The following SRPK1 variants were observed in gnomAD, a reference collection of about 807,000 sequenced individuals.
SRPK1 encodes SFRS protein kinase 1.
SRPK1 carries 52 observed loss-of-function variants against 89.5 expected under a neutral mutation model. The ratio of observed to expected loss-of-function variants is 0.58; its 90% CI spans 0.46 to 0.73. The LOEUF is 0.73. Among genes scored for constraint, SRPK1 ranks in the 30% least tolerant of loss-of-function variants. The probability of loss-of-function intolerance (pLI) is 0.00; values close to 1 mark genes in which losing one functional copy is unlikely to be tolerated. For missense variants in SRPK1, 603 were observed against 780.6 expected, an observed-to-expected ratio of 0.77 and a Z score of 2.71; for synonymous variants, 255 against 270.2, an observed-to-expected ratio of 0.94 and a Z score of 0.55.
intron 7 of SRPK1, among the ~76,000 whole-genome samples, chr6:35,873,459 AG>A (rs1770078971): frequency 1.3e-5 from 2 of 152,182 alleles, no homozygotes; most frequent in Admixed American, 6.5e-5. Context: ...TAAATTCTAA[AG>A]GTTGAATGAA....
At chr6:35,881,721 T>C (rs1770296134) in intron 6 of SRPK1, among the ~76,000 whole-genome samples, 1 of 151,388 alleles carries the variant, frequency 6.6e-6, no homozygotes, top group Admixed American at 6.6e-5. Context: ...ATTATAGACA[T>C]TTACATACTT....
chr6:35,903,712 G>A (rs747266920), intron 2 of SRPK1, among the ~76,000 whole-genome samples: 5 of 152,140 alleles, frequency 3.3e-5, no homozygotes, highest in Non-Finnish European at 5.9e-5. Context: ...CAATTGTTAC[G>A]TGGTAGTTAA....
chr6:35,872,899 T>G (rs1318492811), intron 7 of SRPK1, among the ~76,000 whole-genome samples, 171 bp from the exon 8 acceptor site: 1 of 151,912 alleles, frequency 6.6e-6, no homozygotes, highest in Non-Finnish European at 1.5e-5. Flanking sequence ...AAGATTAAAC[T>G]ATGAAAAAGG....
chr6:35,886,669 T>C, intron 6 of SRPK1, 55 bp downstream of exon 6: 1 of 1,086,936 alleles, frequency 9.2e-7, no homozygotes, highest in Non-Finnish European at 1.4e-6. Flanking sequence ...ACAAATCTAG[T>C]TCCTTTCTTT....
At chr6:35,875,239 C>G (rs1340666135) in intron 6 of SRPK1, among the ~76,000 whole-genome samples, 1 of 151,774 alleles carries the variant, frequency 6.6e-6, no homozygotes, top group Non-Finnish European at 1.5e-5. Context: ...ATGTCACCAG[C>G]CAACATGGAG....
At chr6:35,891,728 A>C (rs1332471167) in intron 2 of SRPK1, among the ~76,000 whole-genome samples, 1 of 114,566 alleles carries the variant, frequency 8.7e-6, no homozygotes, top group South Asian at 2.5e-4. Flanking sequence ...ACTCTGTCTC[A>C]AAAAAAAAAA....
intron 6 of SRPK1, among the ~76,000 whole-genome samples, chr6:35,877,943 T>C (rs1770192613): frequency 6.6e-6 from 1 of 151,868 alleles, no homozygotes; most frequent in Non-Finnish European, 1.5e-5. Context: ...TTAGATTTTG[T>C]AGAATAAAAA....
intron 15 of SRPK1, among the ~76,000 whole-genome samples, chr6:35,836,335 G>T (rs1329832468): frequency 6.7e-6 from 1 of 148,828 alleles, no homozygotes; most frequent in Non-Finnish European, 1.5e-5. Context: ...ACCAGTCCCT[G>T]GTGCCAAAAA....
At chr6:35,884,186 A>C (rs1449334217) in intron 6 of SRPK1, among the ~76,000 whole-genome samples, 1 of 152,228 alleles carries the variant, frequency 6.6e-6, no homozygotes, top group Non-Finnish European at 1.5e-5. Flanking sequence ...ACAGCATGAA[A>C]AAAAAAGTAT....
intron 14 of SRPK1, among the ~76,000 whole-genome samples, chr6:35,839,953 C>T (rs543306371): frequency 6.6e-6 from 1 of 152,084 alleles, no homozygotes; most frequent in South Asian, 2.1e-4. Context: ...GCTGGGATTA[C>T]AGGTGTGAGC....
intron 2 of SRPK1, among the ~76,000 whole-genome samples, chr6:35,915,866 G>A (rs1360163480): frequency 6.6e-6 from 1 of 151,514 alleles, no homozygotes; most frequent in Non-Finnish European, 1.5e-5. Context: ...CAGCTACTCT[G>A]GAGGCTGAGG....
At chr6:35,893,947 G>A (rs1770575480) in intron 2 of SRPK1, among the ~76,000 whole-genome samples, 1 of 151,982 alleles carries the variant, frequency 6.6e-6, no homozygotes, top group South Asian at 2.1e-4. Context: ...GGAGACAGAG[G>A]TTGCAATGAG....
At chr6:35,839,638 C>G (rs571691195) in intron 14 of SRPK1, among the ~76,000 whole-genome samples, 24 of 135,234 alleles carry the variant, frequency 1.8e-4, no homozygotes, top group East Asian at 9.9e-4. Flanking sequence ...CTGCCCCCCC[C>G]CTTTTTTTTT....
rs1284737691 is a variant in SRPK1, at chr6:35,915,997, T to TATATATACACACAC, written c.74+4470_74+4471insGTGTGTGTATATAT. 1.4e-4 allele frequency among the ~76,000 whole-genome samples: 13 copies of TATATATACACACAC among 90,206 alleles called. 1 individual carries two copies. The highest frequency in any genetic ancestry group is 7.3e-4 in the African/African-American group (13 of 17,706). 59.2% of individuals were successfully genotyped at this position (90,206 alleles called of 152,430 possible). ...AAAAACAAAAAAAAAAAAAAATATA[T>TATATATACACACAC]ACACACACACACACACACACACACA... On this transcript the variant is annotated intron_variant, in intron 2 of 15. Transcript: ENST00000373825.
intron 13 of SRPK1, among the ~76,000 whole-genome samples, chr6:35,846,659 A>T (rs1219372363): frequency 6.6e-6 from 1 of 152,144 alleles, no homozygotes; most frequent in African/African-American, 2.4e-5. Context: ...TACTATGCAC[A>T]ATCATATGGC....
chr6:35,860,736 T>C (rs1769764202), intron 12 of SRPK1, among the ~76,000 whole-genome samples: 1 of 152,026 alleles, frequency 6.6e-6, no homozygotes, highest in Non-Finnish European at 1.5e-5. Context: ...TATTAGATTG[T>C]GTTAAGTGTT....
At chr6:35,849,824 C>T (rs1769515219) in intron 13 of SRPK1, among the ~76,000 whole-genome samples, 1 of 152,064 alleles carries the variant, frequency 6.6e-6, no homozygotes, top group Non-Finnish European at 1.5e-5. Flanking sequence ...CCAAGTGTTT[C>T]AGATTAGGGA....
intron 6 of SRPK1, among the ~76,000 whole-genome samples, chr6:35,880,671 G>A (rs1163966960): frequency 7.7e-6 from 1 of 129,506 alleles, no homozygotes; most frequent in Non-Finnish European, 1.6e-5. Context: ...AGTGAGCGGA[G>A]ATTGCACCAC....
At chr6:35,883,440 AG>A (rs757914252) in intron 6 of SRPK1, among the ~76,000 whole-genome samples, 7 of 148,386 alleles carry the variant, frequency 4.7e-5, no homozygotes, top group Non-Finnish European at 1.0e-4. Flanking sequence ...TATCAAAACA[AG>A]ATTATTTAAA....
Sources: allele counts gnomAD v4.1 joint callset (sites outside exome capture counted in the v4.1 genomes callset), GRCh38; gene constraint gnomAD v4.1.1; transcripts MANE v1.5; gene names NCBI Gene and HGNC (gene_info 2026-07-23, HGNC 2026-07-21).